The following PMPCA variants were observed in gnomAD, a reference collection of about 807,000 sequenced individuals.
PMPCA encodes the protein peptidase, mitochondrial processing subunit alpha.
PMPCA carries 47 observed loss-of-function variants against 59.3 expected under a neutral mutation model. The observed-to-expected ratio is 0.79, with a 90% CI of 0.63 to 1.01. The LOEUF is 1.01. Ranked by LOEUF, PMPCA falls within the 50% of genes least tolerant of loss-of-function variation. The probability of loss-of-function intolerance (pLI) is 0.00; values close to 1 mark genes in which losing one functional copy is unlikely to be tolerated. For missense variants in PMPCA, 726 were observed against 704.5 expected (o/e 1.03, Z -0.34); for synonymous variants, 338 against 290.3 (o/e 1.16, Z -1.67).
chr9:136,416,001 G>A (rs919687591), intron 5 of PMPCA: 5 of 519,552 alleles, frequency 9.6e-6, no homozygotes, highest in Non-Finnish European at 1.7e-5. Flanking sequence ...GGACAGACAG[G>A]TCCAGTGTCT....
Position 136,423,284 on chromosome 9 carries a change from A to G in PMPCA, c.*20A>G. 6.3e-7 allele frequency: 1 copy of G among 1,598,230 alleles called. No homozygotes were observed. The highest frequency in any genetic ancestry group is 8.5e-7 in the Non-Finnish European group (1 of 1,170,872). ...CGGTAGAACCGCTCCCCGGCCTGAC[A>G]GACCCAGGGAGCTGCAGCTGGAGCC... On this transcript the variant is annotated 3_prime_UTR_variant, in exon 13 of 13. Transcript: ENST00000371717.
At chr9:136,411,384 A>G (rs1835108504) in intron 1 of PMPCA, 1 of 154,570 alleles carries the variant, frequency 6.5e-6, no homozygotes, top group African/African-American at 2.4e-5. Flanking sequence ...CATGATAGAA[A>G]ATAGCAGGAA....
chr9:136,422,987 C>T (rs1468975651), intron 12 of PMPCA, 108 bp from the exon 13 acceptor site: 9 of 1,472,352 alleles, frequency 6.1e-6, no homozygotes, highest in South Asian at 5.4e-5. Flanking sequence ...AGCAGCACAG[C>T]GTGAGTGAGT....
intron 6 of PMPCA, chr9:136,416,704 T>C (rs1835286090): frequency 1.7e-6 from 1 of 590,968 alleles, no homozygotes; most frequent in South Asian, 2.1e-5. Flanking sequence ...TTTCCAGTTT[T>C]TATAGTAACT....
At chr9:136,413,568 G>A (rs945888862) in intron 4 of PMPCA, among the ~76,000 whole-genome samples, 1 of 152,202 alleles carries the variant, frequency 6.6e-6, no homozygotes, top group South Asian at 2.1e-4. Flanking sequence ...ATTAAAGTTA[G>A]CTTGGAGGTA....
intron 11 of PMPCA, among the ~76,000 whole-genome samples, chr9:136,421,248 C>T (rs913039509): frequency 3.9e-5 from 6 of 152,200 alleles, no homozygotes; most frequent in African/African-American, 7.2e-5. Flanking sequence ...TACCTTCTCC[C>T]GCTGCATGTC....
chr9:136,422,575 C>T lies in PMPCA; in HGVS notation c.1409-520C>T. 1.2e-5 allele frequency: 12 copies of T among 1,017,452 alleles called. No homozygotes were observed. In the South Asian group the frequency reaches 1.6e-4, roughly 13 times the overall value. The allele number at this position is 1,017,452 out of a possible 1,614,324, so 63.0% of individuals were successfully genotyped here. ...AGGCCTGGAGTCCCGGGCACTTGCC[C>T]TGTCCCGTGTGGGCCCTCGTCCTTC... On this transcript the variant is annotated intron_variant, in intron 12 of 12. Transcript: ENST00000371717.
At chr9:136,415,260 C>A (rs920574009) in intron 5 of PMPCA, among the ~76,000 whole-genome samples, 1 of 152,160 alleles carries the variant, frequency 6.6e-6, no homozygotes, top group African/African-American at 2.4e-5. Context: ...GAAAAAAAAC[C>A]CACTGGTGAT....
chr9:136,416,375 C>A lies in PMPCA; in HGVS notation c.617C>A (p.Thr206Asn). 1 of 1,611,944 alleles carries A rather than the reference C, an allele frequency of 6.2e-7. No homozygotes were observed. Among genetic ancestry groups the A allele is most frequent in the Non-Finnish European group, 8.5e-7 (1 of 1,178,036 alleles). Reference protein sequence around the residue: ...NLRPDPEPLLTEMIHEAAYRE... With the variant: ...NLRPDPEPLLNEMIHEAAYRE... ...CGGCCTGACCCAGAGCCACTTCTCA[C>A]CGAGATGATTCATGAAGTAAAATGT... The change falls in exon 6 of 13, where the codon ACC becomes AAC. Residue 206 changes from threonine to asparagine, a missense_variant. By Grantham distance (65) the Thr-to-Asn change is moderately conservative. Transcript: ENST00000371717.
At chr9:136,412,457 G>A in intron 2 of PMPCA, 33 bp from the exon 3 acceptor site, 1 of 1,009,702 alleles carries the variant, frequency 9.9e-7, no homozygotes. Flanking sequence ...TTGAATATCT[G>A]ATGTAACCTG....
Position 136,417,020 on chromosome 9 carries a change from C to CGA in PMPCA, c.707_708dup (p.Val237ArgfsTer7). The CGA allele has an allele frequency of 6.2e-7, 1 of 1,613,506 alleles. No homozygotes were observed. Among genetic ancestry groups the CGA allele is most frequent in the Non-Finnish European group, 8.5e-7 (1 of 1,180,012 alleles). ...CACAGAAAACGTAGCAAAGATCAAC[C>CGA]GAGAGGTGCTGCATTCCTACCTGAG... is the stretch of plus-strand genomic sequence containing the variant. On this transcript the variant is annotated frameshift_variant, in exon 7 of 13. Coordinates refer to ENST00000371717, the MANE Select transcript of PMPCA (RefSeq NM_015160.3). LOFTEE classifies it high-confidence loss of function.
At position 136,423,506 on chromosome 9, in the gene PMPCA, G is replaced by A. The variant is rs1835521413; in HGVS notation, c.*242G>A. ...GTGAAGTGCCCAGCGCTGGAGTGCAGCGTGCCACGAGGAGGGCGGTCGGTG... is the reference window on the plus strand; with the variant it reads ...GTGAAGTGCCCAGCGCTGGAGTGCAACGTGCCACGAGGAGGGCGGTCGGTG... On this transcript the variant is annotated 3_prime_UTR_variant, in exon 13 of 13. Coordinates refer to ENST00000371717, the MANE Select transcript of PMPCA (RefSeq NM_015160.3). The A allele has an allele frequency of 4.1e-6, 2 of 493,302 alleles. No homozygotes were observed. The highest frequency in any genetic ancestry group is 3.8e-5 in the African/African-American group (2 of 51,982). The allele number at this position is 493,302 out of a possible 1,614,324, so 30.6% of individuals were successfully genotyped here. A position where few individuals can be genotyped will look rare whatever the true frequency, so the allele number is the denominator to read the frequency against.
chr9:136,418,848 C>T lies in PMPCA; in HGVS notation c.1130C>T (p.Ala377Val), dbSNP rs963172852. 25 of 1,612,730 alleles carry T rather than the reference C, an allele frequency of 1.6e-5. No homozygotes were observed. Among genetic ancestry groups the T allele is most frequent in the East Asian group, 4.5e-5 (2 of 44,872 alleles). The part of the protein sequence containing the change: ...VLNRHHWMYN[A>V]TSYHHSYEDT... ...CCCAGGCACCACTGGATGTATAACG[C>T]GACCTCCTACCACCACAGCTACGAG... is the stretch of plus-strand genomic sequence containing the variant. Residue 377 changes from alanine (A) to valine (V), a missense_variant, in exon 10 of 13, where the codon GCG becomes GTG. Ala to Val is a moderately conservative substitution (Grantham distance 64). Transcript: ENST00000371717.
intron 8 of PMPCA, 25 bp downstream of exon 8, chr9:136,418,134 G>C: frequency 6.5e-7 from 1 of 1,528,854 alleles, no homozygotes; most frequent in Non-Finnish European, 9.1e-7. Context: ...TGGGTCTGAT[G>C]GCGTTCCTGA....
Position 136,420,922 on chromosome 9 carries a change from T to C in PMPCA, c.1264-910T>C, listed in dbSNP as rs1287096940. 2.6e-5 allele frequency: 4 copies of C among 151,594 alleles called. No homozygotes were observed. The East Asian group carries it at 7.8e-4, about 29-fold the overall frequency. 9.4% of individuals were successfully genotyped at this position (151,594 alleles called of 1,614,324 possible). ...ACCTGGGCAACATAGCAAGACCCTGTGTCTATTTAAGAAAAAAAAAAAAAA... is the reference window on the plus strand; with the variant it reads ...ACCTGGGCAACATAGCAAGACCCTGCGTCTATTTAAGAAAAAAAAAAAAAA... On this transcript the variant is annotated intron_variant, in intron 11 of 12. Coordinates refer to ENST00000371717, the MANE Select transcript of PMPCA (RefSeq NM_015160.3).
Position 136,421,949 on chromosome 9 carries a change from C to G in PMPCA, c.1381C>G (p.Leu461Val). ...GGTGCTGGCCACTCGCTCCAGAAAGCTGCCGCACGAGCTGTGCACGCTCAT... is the reference window on the plus strand; with the variant it reads ...GGTGCTGGCCACTCGCTCCAGAAAGGTGCCGCACGAGCTGTGCACGCTCAT... ...RQVLATRSRK[L>V]PHELCTLIRN... The change falls in exon 12 of 13, where the codon CTG (leucine) becomes GTG (valine). Residue 461 changes from leucine (L) to valine (V), a missense_variant. Coordinates refer to ENST00000371717, the MANE Select transcript of PMPCA (RefSeq NM_015160.3). The G allele has an allele frequency of 6.2e-7, 1 of 1,612,894 alleles. No homozygotes were observed.
At chr9:136,419,446 A>C (rs1440524373) in intron 11 of PMPCA, 2 of 449,520 alleles carry the variant, frequency 4.4e-6, no homozygotes, top group Non-Finnish European at 8.2e-6. Flanking sequence ...GAAACGCTGC[A>C]GGAGTTTTTG....
chr9:136,411,909 A>T, intron 1 of PMPCA, 88 bp from the exon 2 acceptor site: 1 of 780,546 alleles, frequency 1.3e-6, no homozygotes, highest in Non-Finnish European at 2.3e-6. Context: ...CTTTTAACCC[A>T]GACAAAACAT....
chr9:136,423,530 T>C lies in PMPCA; in HGVS notation c.*266T>C. 2.4e-6 allele frequency: 1 copy of C among 422,346 alleles called. No homozygotes were observed. The highest frequency in any genetic ancestry group is 3.0e-5 in the South Asian group (1 of 33,132). 26.2% of individuals were successfully genotyped at this position (422,346 alleles called of 1,614,324 possible). On this transcript the variant is annotated 3_prime_UTR_variant, in exon 13 of 13. Transcript: ENST00000371717. ...AGCGTGCCACGAGGAGGGCGGTCGGTGCTTCCCTCCTCGGGCTGTGGGCAC... is the reference window on the plus strand; with the variant it reads ...AGCGTGCCACGAGGAGGGCGGTCGGCGCTTCCCTCCTCGGGCTGTGGGCAC...
Sources: gnomAD v4.1 joint callset for allele counts (sites outside exome capture counted in the v4.1 genomes callset) on GRCh38, gnomAD v4.1.1 for gene constraint, MANE v1.5 for transcripts, NCBI Gene and HGNC (gene_info 2026-07-23, HGNC 2026-07-21) for gene names.